LUZP2: variants seen among roughly 807,000 people sequenced by gnomAD.
The protein encoded by LUZP2 is leucine zipper protein 2.
LUZP2 carries 52 observed loss-of-function variants against 51.6 expected under a neutral mutation model. The ratio of observed to expected loss-of-function variants is 1.01; its 90% CI spans 0.81 to 1.27. The LOEUF is 1.27. Among genes scored for constraint, LUZP2 ranks in the 50% most tolerant of loss-of-function variants. The pLI is 0.00. For synonymous variants in LUZP2, 154 were observed against 137.3 expected (o/e 1.12, Z -0.85); for missense variants, 436 against 395.4 (o/e 1.10, Z -0.87).
intron 7 of LUZP2, among the ~76,000 whole-genome samples, chr11:24,914,919 A>G (rs2133802541): frequency 6.6e-6 from 1 of 152,276 alleles, no homozygotes; most frequent in East Asian, 1.9e-4. Context: ...TTAGAAGACA[A>G]TGAGACAGTT....
rs1219731740 is a variant in LUZP2, at chr11:25,050,131, G to A, written c.858+1G>A. 2.5e-6 allele frequency: 4 copies of A among 1,579,948 alleles called. No homozygotes were observed. The highest frequency in any genetic ancestry group is 3.4e-6 in the Non-Finnish European group (4 of 1,160,064). On this transcript the variant is annotated splice_donor_variant, in intron 10 of 11. Coordinates refer to ENST00000336930, the MANE Select transcript of LUZP2 (RefSeq NM_001009909.4). LOFTEE classifies it high-confidence loss of function. Reference sequence around the variant, plus strand: ...TACCACTGCCTGTGACTCTCAAGATGTAAGAAAAACTTAAGATGCTTTTTA... The same window carrying A: ...TACCACTGCCTGTGACTCTCAAGATATAAGAAAAACTTAAGATGCTTTTTA...
At chr11:24,517,772 C>A (rs931934141) in intron 1 of LUZP2, among the ~76,000 whole-genome samples, 1 of 151,972 alleles carries the variant, frequency 6.6e-6, no homozygotes, top group Non-Finnish European at 1.5e-5. Context: ...AAAATGGCAT[C>A]ATTTTGCTTC....
At chr11:24,786,607 A>G (rs1432943566) in intron 5 of LUZP2, 1 of 189,138 alleles carries the variant, frequency 5.3e-6, no homozygotes. Flanking sequence ...ATTATATAAT[A>G]TTAATAAATT....
At chr11:24,601,941 TA>T (rs1853666063) in intron 1 of LUZP2, among the ~76,000 whole-genome samples, 1 of 139,514 alleles carries the variant, frequency 7.2e-6, no homozygotes, top group East Asian at 2.0e-4. Flanking sequence ...TATATATGTA[TA>T]TATGTATAAA....
chr11:25,047,040 G>C (rs2134016953), intron 9 of LUZP2, among the ~76,000 whole-genome samples: 1 of 152,062 alleles, frequency 6.6e-6, no homozygotes, highest in Non-Finnish European at 1.5e-5. Flanking sequence ...GGAAATTTTG[G>C]GACTATTTAT....
At chr11:24,618,025 A>G (rs1854349373) in intron 1 of LUZP2, among the ~76,000 whole-genome samples, 1 of 152,056 alleles carries the variant, frequency 6.6e-6, no homozygotes, top group African/African-American at 2.4e-5. Flanking sequence ...AAGAGGTACC[A>G]GTTTCCCAGC....
chr11:24,693,521 A>T (rs1186200695), intron 1 of LUZP2, among the ~76,000 whole-genome samples: 1 of 151,996 alleles, frequency 6.6e-6, no homozygotes, highest in Non-Finnish European at 1.5e-5. Flanking sequence ...TGTTTATTAA[A>T]AATACACAAA....
chr11:24,675,788 TA>T (rs1267395294), intron 1 of LUZP2, among the ~76,000 whole-genome samples: 1 of 103,178 alleles, frequency 9.7e-6, no homozygotes, highest in African/African-American at 3.7e-5. Context: ...TTCTTTTTTT[TA>T]TATTTATTTA....
chr11:24,626,089 C>T (rs1009334193), intron 1 of LUZP2, among the ~76,000 whole-genome samples: 9 of 152,048 alleles, frequency 5.9e-5, no homozygotes, highest in Admixed American at 4.6e-4. Context: ...GTGTCAACCT[C>T]GGAGGGTTAT....
rs75336928 is a variant in LUZP2, at chr11:24,501,076, T to C, written c.62+3771T>C. Reference sequence around the variant, plus strand: ...GAAATATTTTGAGGCAACATGGGTTTGCTTCCTAAGTCCTGTGCACAGTGT... The same window carrying C: ...GAAATATTTTGAGGCAACATGGGTTCGCTTCCTAAGTCCTGTGCACAGTGT... On this transcript the variant is annotated intron_variant, in intron 1 of 11. Coordinates refer to ENST00000336930, the MANE Select transcript of LUZP2 (RefSeq NM_001009909.4). 6.2e-4 allele frequency among the ~76,000 whole-genome samples: 95 copies of C among 152,326 alleles called. No individual in the cohort carries two copies. The East Asian group carries it at 0.016, about 25-fold the overall frequency.
intron 7 of LUZP2, among the ~76,000 whole-genome samples, chr11:24,964,272 A>G (rs990015555): frequency 1.3e-5 from 2 of 152,190 alleles, no homozygotes; most frequent in African/African-American, 4.8e-5. Flanking sequence ...CATGCTGGTA[A>G]TTACATAATG....
At chr11:24,896,394 C>T (rs944272380) in intron 5 of LUZP2, among the ~76,000 whole-genome samples, 1 of 152,148 alleles carries the variant, frequency 6.6e-6, no homozygotes, top group Non-Finnish European at 1.5e-5. Context: ...GCCAGCCGGC[C>T]GGCGATGCCA....
chr11:24,905,488 A>C (rs1044325063), intron 5 of LUZP2, among the ~76,000 whole-genome samples: 1 of 152,126 alleles, frequency 6.6e-6, no homozygotes. Context: ...AGATCATACC[A>C]TTGCACTCCA....
intron 7 of LUZP2, among the ~76,000 whole-genome samples, chr11:24,934,075 G>A (rs542980552): frequency 3.3e-5 from 5 of 152,326 alleles, no homozygotes; most frequent in Admixed American, 2.0e-4. Context: ...CGCAAGGGCA[G>A]GGAAGGTGTA....
At chr11:25,062,672 G>A (rs991085076) in intron 10 of LUZP2, among the ~76,000 whole-genome samples, 38 of 148,310 alleles carry the variant, frequency 2.6e-4, no homozygotes, top group African/African-American at 7.2e-4. Context: ...GTGTCTTTCC[G>A]TCTCCAACTT....
chr11:24,809,498 G>T (rs1167683628), intron 5 of LUZP2, among the ~76,000 whole-genome samples: 1 of 151,982 alleles, frequency 6.6e-6, no homozygotes, highest in African/African-American at 2.4e-5. Context: ...TCCTATAAGT[G>T]CAAGTCTCAC....
intron 10 of LUZP2, among the ~76,000 whole-genome samples, chr11:25,067,413 G>T (rs1421117164): frequency 1.3e-5 from 2 of 151,956 alleles, no homozygotes; most frequent in African/African-American, 4.8e-5. Context: ...TTTGGCTTTT[G>T]TTGTCATTGT....
intron 7 of LUZP2, among the ~76,000 whole-genome samples, chr11:24,934,498 C>T (rs1039069831): frequency 6.6e-6 from 1 of 151,990 alleles, no homozygotes; most frequent in Non-Finnish European, 1.5e-5. Flanking sequence ...TGGTTTATTA[C>T]TAATTTTAAG....
At chr11:25,073,038 A>G (rs1019441844) in intron 10 of LUZP2, among the ~76,000 whole-genome samples, 5 of 152,100 alleles carry the variant, frequency 3.3e-5, no homozygotes, top group Non-Finnish European at 5.9e-5. Context: ...ACTTTTATAC[A>G]CACTTTAAAA....
Sources: gnomAD v4.1 joint callset for allele counts (sites outside exome capture counted in the v4.1 genomes callset) on GRCh38, gnomAD v4.1.1 for gene constraint, MANE v1.5 for transcripts, NCBI Gene and HGNC (gene_info 2026-07-23, HGNC 2026-07-21) for gene names.